The following SLC25A48 variants were observed in gnomAD, a reference collection of about 807,000 sequenced individuals.
The protein encoded by SLC25A48 is CTC-321K16.1.
SLC25A48 carries 29 observed loss-of-function variants against 32.2 expected under a neutral mutation model. The ratio of observed to expected loss-of-function variants is 0.90; its 90% CI spans 0.67 to 1.23. SLC25A48 has a LOEUF of 1.23. Among genes scored for constraint, SLC25A48 ranks in the 50% most tolerant of loss-of-function variants. The pLI is 0.00. For missense variants in SLC25A48, 399 were observed against 422.7 expected, an observed-to-expected ratio of 0.94 and a Z score of 0.49; for synonymous variants, 164 against 172.3, an observed-to-expected ratio of 0.95 and a Z score of 0.38.
intron 1 of SLC25A48, among the ~76,000 whole-genome samples, chr5:135,605,314 T>C (rs1751908809): frequency 6.6e-6 from 1 of 152,268 alleles, no homozygotes; most frequent in East Asian, 1.9e-4. Context: ...TGATGAGTAC[T>C]GTATTCGTCT....
At chr5:135,742,281 A>G (rs1755517244) in intron 3 of SLC25A48, among the ~76,000 whole-genome samples, 1 of 152,158 alleles carries the variant, frequency 6.6e-6, no homozygotes, top group Admixed American at 6.5e-5. Context: ...GGATTTTGCC[A>G]TGTTGGCCAG....
chr5:135,654,043 C>A (rs1580757927), intron 3 of SLC25A48: 1 of 393,206 alleles, frequency 2.5e-6, no homozygotes, highest in East Asian at 7.2e-5. Context: ...AGAGCCACAG[C>A]CTGCTTATGT....
At chr5:135,723,378 TCTCACACACACACA>T (rs1186692112) in intron 3 of SLC25A48, among the ~76,000 whole-genome samples, 8 of 54,412 alleles carry the variant, frequency 1.5e-4, no homozygotes, top group African/African-American at 3.3e-4. Flanking sequence ...TCTCTCTCTC[TCTCACACACACACA>T]CACACACACA....
At chr5:135,725,804 A>G (rs1014462000) in intron 3 of SLC25A48, among the ~76,000 whole-genome samples, 5 of 152,184 alleles carry the variant, frequency 3.3e-5, no homozygotes, top group African/African-American at 1.2e-4. Flanking sequence ...GAGGCAGTTA[A>G]CAGATCAAAA....
intron 3 of SLC25A48, among the ~76,000 whole-genome samples, chr5:135,677,007 T>C (rs1753787821): frequency 6.6e-6 from 1 of 152,054 alleles, no homozygotes; most frequent in African/African-American, 2.4e-5. Context: ...AATATTTCTT[T>C]GTTGACTTTC....
chr5:135,686,818 G>A (rs748103347), intron 3 of SLC25A48, among the ~76,000 whole-genome samples: 1 of 152,202 alleles, frequency 6.6e-6, no homozygotes. Flanking sequence ...AAGTATGGGT[G>A]GATGGAAGGA....
chr5:135,685,785 G>A (rs1313945057), intron 3 of SLC25A48, among the ~76,000 whole-genome samples: 1 of 152,334 alleles, frequency 6.6e-6, no homozygotes, highest in East Asian at 1.9e-4. Flanking sequence ...CATGACCTGT[G>A]TTCTTCCATC....
chr5:135,668,407 A>G (rs1179684071), intron 3 of SLC25A48, among the ~76,000 whole-genome samples: 2 of 152,230 alleles, frequency 1.3e-5, no homozygotes, highest in African/African-American at 2.4e-5. Context: ...TTTCTGAAAC[A>G]TCTTCTTGCA....
At position 135,673,442 on chromosome 5, in the gene SLC25A48, T is replaced by C. The variant is rs576408938; in HGVS notation, c.-521+38486T>C. ...CTTGTGAAAGTGTAGTGGTTTCTCA[T>C]TGTAATTTTCATTTGTATTTCTCTA... On this transcript the variant is annotated intron_variant, in intron 3 of 10. Coordinates refer to the SLC25A48 transcript ENST00000646290. 2.6e-5 allele frequency among the ~76,000 whole-genome samples: 4 copies of C among 152,314 alleles called. No individual in the cohort carries two copies. The South Asian group carries it at 8.3e-4, about 32-fold the overall frequency.
intron 2 of SLC25A48, among the ~76,000 whole-genome samples, chr5:135,632,663 T>C (rs1003485657): frequency 1.3e-5 from 2 of 152,202 alleles, no homozygotes; most frequent in African/African-American, 4.8e-5. Context: ...TTCAAACCCA[T>C]GTTTTGAACT....
intron 3 of SLC25A48, among the ~76,000 whole-genome samples, chr5:135,802,261 C>A (rs1230788420): frequency 6.6e-6 from 1 of 151,690 alleles, no homozygotes; most frequent in Non-Finnish European, 1.5e-5. Flanking sequence ...TGCATGTATA[C>A]CCTGTGATAT....
At chr5:135,699,240 T>C (rs1212988824) in intron 3 of SLC25A48, among the ~76,000 whole-genome samples, 1 of 152,196 alleles carries the variant, frequency 6.6e-6, no homozygotes, top group Non-Finnish European at 1.5e-5. Flanking sequence ...AGCAAACTTA[T>C]TTATAATAGC....
chr5:135,843,647 A>G (rs1759184750), intron 2 of SLC25A48, among the ~76,000 whole-genome samples: 3 of 152,126 alleles, frequency 2.0e-5, no homozygotes, highest in South Asian at 4.1e-4. Context: ...CTAAGTTGAG[A>G]CTCAGATGAC....
At chr5:135,746,147 A>G (rs920645634) in intron 3 of SLC25A48, 1 of 158,128 alleles carries the variant, frequency 6.3e-6, no homozygotes, top group Non-Finnish European at 1.4e-5. Flanking sequence ...AATACCTTCT[A>G]GCCCGTACCC....
At chr5:135,678,629 C>T (rs2126948009) in intron 3 of SLC25A48, among the ~76,000 whole-genome samples, 1 of 152,188 alleles carries the variant, frequency 6.6e-6, no homozygotes, top group South Asian at 2.1e-4. Flanking sequence ...TTGATATCTG[C>T]ACATCTGGTG....
intron 3 of SLC25A48, among the ~76,000 whole-genome samples, chr5:135,785,076 G>A (rs570492918): frequency 2.0e-5 from 3 of 152,150 alleles, no homozygotes; most frequent in Middle Eastern, 6.8e-3. Flanking sequence ...ACTCTAATAA[G>A]GTTTGTGTTA....
At chr5:135,720,661 G>T (rs1754929385) in intron 3 of SLC25A48, among the ~76,000 whole-genome samples, 1 of 152,216 alleles carries the variant, frequency 6.6e-6, no homozygotes, top group Non-Finnish European at 1.5e-5. Context: ...CAAAATCGTG[G>T]TGGATCCTGG....
chr5:135,834,935 C>A (rs760211249), intron 1 of SLC25A48, 42 bp downstream of exon 1: 6 of 1,582,280 alleles, frequency 3.8e-6, no homozygotes, highest in East Asian at 4.6e-5. Context: ...AGAGAGCGAG[C>A]CTGGCGGAGT....
chr5:135,786,841 C>T (rs976843086), intron 3 of SLC25A48, among the ~76,000 whole-genome samples: 1 of 151,728 alleles, frequency 6.6e-6, no homozygotes, highest in Non-Finnish European at 1.5e-5. Flanking sequence ...GTGTTTATGC[C>T]CTGTGATATT....
Sources: gnomAD v4.1 joint callset for allele counts (sites outside exome capture counted in the v4.1 genomes callset) on GRCh38, gnomAD v4.1.1 for gene constraint, MANE v1.5 for transcripts, NCBI Gene and HGNC (gene_info 2026-07-23, HGNC 2026-07-21) for gene names.